The following VMA22 variants were observed in gnomAD, a reference collection of about 807,000 sequenced individuals.
The protein encoded by VMA22 is vacuolar ATPase assembly factor VMA22, also known as vacuolar ATPase assembly protein VMA22.
chr2:130,339,268 T>C, the VMA22 span: 1 of 1,574,930 alleles, frequency 6.3e-7, no homozygotes, highest in Non-Finnish European at 8.7e-7. Flanking sequence ...ATGGTATCTG[T>C]AGTGTAACAC....
the VMA22 span, chr2:130,342,263 C>G: frequency 2.2e-5 from 34 of 1,517,862 alleles, no homozygotes; most frequent in Admixed American, 4.2e-5. Context: ...ACCAAGGCCT[C>G]TGGGTCAGCT....
the VMA22 span, among the ~76,000 whole-genome samples, chr2:130,338,038 G>A: frequency 6.6e-6 from 1 of 152,254 alleles, no homozygotes; most frequent in East Asian, 1.9e-4. Context: ...CAAAAGGGCA[G>A]CATTAACCGA....
chr2:130,341,149 T>C, the VMA22 span: 24 of 1,352,452 alleles, frequency 1.8e-5, no homozygotes, highest in African/African-American at 8.8e-5. Context: ...ACACTGTTGG[T>C]TGGAAAATTC....
chr2:130,342,255 C>G, the VMA22 span: 1 of 1,534,556 alleles, frequency 6.5e-7, no homozygotes, highest in East Asian at 2.5e-5. Context: ...CCGGCAGCAC[C>G]AAGGCCTCTG....
At chr2:130,340,640 G>A in the VMA22 span, 9 of 475,078 alleles carry the variant, frequency 1.9e-5, no homozygotes, top group East Asian at 1.7e-4. Context: ...TTATTTGCAC[G>A]TTGCCTTTGT....
chr2:130,342,280 A>T, the VMA22 span: 2 of 1,449,656 alleles, frequency 1.4e-6, no homozygotes, highest in Non-Finnish European at 9.3e-7. Flanking sequence ...AGCTTCTTTA[A>T]GGGCAAGCGC....
the VMA22 span, chr2:130,341,604 C>G: frequency 7.4e-7 from 1 of 1,343,856 alleles, no homozygotes; most frequent in South Asian, 1.2e-5. Flanking sequence ...TAAATCATCT[C>G]CATAATTTGC....
the VMA22 span, chr2:130,342,030 G>A: frequency 1.2e-6 from 2 of 1,613,958 alleles, no homozygotes; most frequent in Non-Finnish European, 1.7e-6. Flanking sequence ...CCACCCGGGC[G>A]TTCAACACCG....
the VMA22 span, chr2:130,341,098 G>A: frequency 6.7e-7 from 1 of 1,497,610 alleles, no homozygotes; most frequent in Non-Finnish European, 8.9e-7. Context: ...TATCATCTTG[G>A]TGACAATGTT....
the VMA22 span, chr2:130,339,913 C>T: frequency 1.0e-6 from 1 of 973,980 alleles, no homozygotes; most frequent in Middle Eastern, 4.4e-4. Flanking sequence ...ATTTAAACAC[C>T]AGTGCTATGC....
chr2:130,341,562 G>A, the VMA22 span: 1 of 933,702 alleles, frequency 1.1e-6, no homozygotes, highest in Non-Finnish European at 1.7e-6. Context: ...CTTCTGCTCT[G>A]GGATGCTCTC....
At chr2:130,340,555 T>G in the VMA22 span, 1 of 321,362 alleles carries the variant, frequency 3.1e-6, no homozygotes, top group Admixed American at 4.7e-5. Context: ...AGACCTCCCC[T>G]GGCCCACTCC....
chr2:130,341,332 C>T, the VMA22 span: 1 of 544,560 alleles, frequency 1.8e-6, no homozygotes, highest in Non-Finnish European at 3.2e-6. Context: ...ACAGACCAGA[C>T]ATAGACGTTC....
chr2:130,339,303 C>T, the VMA22 span: 3 of 1,449,846 alleles, frequency 2.1e-6, no homozygotes, highest in South Asian at 2.4e-5. Context: ...TCTGGATATC[C>T]CCAGAAATTG....
At chr2:130,339,572 C>T in the VMA22 span, 12 of 1,286,974 alleles carry the variant, frequency 9.3e-6, no homozygotes, top group South Asian at 1.3e-5. Flanking sequence ...GCTCTCCCTC[C>T]ACTTCTTTTC....
chr2:130,338,913 G>C, the VMA22 span: 91 of 565,678 alleles, frequency 1.6e-4, no homozygotes, highest in African/African-American at 1.6e-3. Context: ...CCTTAGAATG[G>C]TTTCAAAGTA....
the VMA22 span, chr2:130,339,877 C>T: frequency 8.3e-7 from 1 of 1,200,178 alleles, no homozygotes; most frequent in Non-Finnish European, 1.1e-6. Flanking sequence ...CAGCTTTAAA[C>T]CAGTGTTTGT....
chr2:130,340,653 G>A, the VMA22 span: 1 of 512,236 alleles, frequency 2.0e-6, no homozygotes, highest in South Asian at 2.0e-5. Flanking sequence ...GCCTTTGTCT[G>A]CTTCTAAACA....
At chr2:130,341,920 G>A in the VMA22 span, 62 of 1,613,540 alleles carry the variant, frequency 3.8e-5, no homozygotes, top group Admixed American at 6.2e-4. Flanking sequence ...ATCGCGTAGC[G>A]AGCCTTGGCG....
Sources: allele counts gnomAD v4.1 joint callset (sites outside exome capture counted in the v4.1 genomes callset), GRCh38; gene constraint gnomAD v4.1.1; transcripts MANE v1.5; gene names NCBI Gene and HGNC (gene_info 2026-07-23, HGNC 2026-07-21).